The following CDH18 variants were observed in gnomAD, a reference collection of about 807,000 sequenced individuals.
CDH18 encodes the protein cadherin 18, also known as cadherin-18.
Under a neutral mutation model 67.9 loss-of-function variants are expected in CDH18, and 31 were observed. The ratio of observed to expected loss-of-function variants is 0.46; its 90% CI spans 0.34 to 0.62. The LOEUF is 0.62. Ranked by LOEUF, CDH18 falls within the 20% of genes least tolerant of loss-of-function variation. The pLI is 0.01. For synonymous variants in CDH18, 362 were observed against 347.2 expected, an observed-to-expected ratio of 1.04 and a Z score of -0.48; for missense variants, 890 against 975.5, an observed-to-expected ratio of 0.91 and a Z score of 1.17.
intron 5 of CDH18, among the ~76,000 whole-genome samples, chr5:19,706,585 A>G (rs1763997409): frequency 1.3e-5 from 2 of 152,046 alleles, no homozygotes. Flanking sequence ...ACCTTTTCTC[A>G]CTTTGTCTGG....
At chr5:19,866,392 G>C (rs1785498297) in intron 2 of CDH18, among the ~76,000 whole-genome samples, 1 of 152,136 alleles carries the variant, frequency 6.6e-6, no homozygotes, top group Non-Finnish European at 1.5e-5. Context: ...GCAGTCTTTT[G>C]CTCAGAGGCA....
At chr5:19,874,335 G>A (rs1239162028) in intron 2 of CDH18, among the ~76,000 whole-genome samples, 1 of 152,112 alleles carries the variant, frequency 6.6e-6, no homozygotes, top group Non-Finnish European at 1.5e-5. Flanking sequence ...GCTTATTTAA[G>A]TTATCTGCCT....
chr5:20,341,090 A>T (rs1351938991), intron 1 of CDH18, among the ~76,000 whole-genome samples: 1 of 152,144 alleles, frequency 6.6e-6, no homozygotes, highest in Non-Finnish European at 1.5e-5. Flanking sequence ...CAGCTCCCAC[A>T]TCCTTCCCTA....
At chr5:19,951,487 G>A (rs1390377847) in intron 2 of CDH18, among the ~76,000 whole-genome samples, 2 of 152,128 alleles carry the variant, frequency 1.3e-5, no homozygotes, top group African/African-American at 2.4e-5. Flanking sequence ...ATCCACAGGA[G>A]TTTAGAAAGT....
At chr5:20,034,253 G>A (rs1192040983) in intron 2 of CDH18, among the ~76,000 whole-genome samples, 1 of 151,878 alleles carries the variant, frequency 6.6e-6, no homozygotes, top group Non-Finnish European at 1.5e-5. Context: ...AAGTGAAAGG[G>A]GACTGTTACT....
chr5:20,552,111 G>A (rs1275817552), intron 1 of CDH18, among the ~76,000 whole-genome samples: 1 of 151,826 alleles, frequency 6.6e-6, no homozygotes, highest in Non-Finnish European at 1.5e-5. Context: ...AGATTTGCTA[G>A]CAAAATGTGA....
chr5:20,130,514 A>G (rs985490046), intron 2 of CDH18, among the ~76,000 whole-genome samples: 1 of 151,804 alleles, frequency 6.6e-6, no homozygotes. Context: ...TCATCTAAAA[A>G]TTACCATCAT....
At chr5:19,610,145 C>A (rs1032890064) in intron 6 of CDH18, among the ~76,000 whole-genome samples, 1 of 152,014 alleles carries the variant, frequency 6.6e-6, no homozygotes, top group African/African-American at 2.4e-5. Context: ...TTTCAAAACT[C>A]TAAGAACACC....
In CDH18 at chr5:19,702,526, G is replaced by C. The variant is rs532070117; in HGVS notation, c.643+18821C>G. ...CACACCTGTAATCCCAGCACTTTGG[G>C]AGTCCAAGACAGGTTGATCAGCTGA... On this transcript the variant is annotated intron_variant, in intron 5 of 12. Coordinates refer to ENST00000382275, the MANE Select transcript of CDH18 (RefSeq NM_004934.5). 2.0e-5 allele frequency among the ~76,000 whole-genome samples: 3 copies of C among 151,366 alleles called. No homozygotes were observed. In the South Asian group the frequency reaches 6.4e-4, roughly 32 times the overall value.
At chr5:20,212,933 T>C (rs1304728559) in intron 2 of CDH18, among the ~76,000 whole-genome samples, 1 of 152,092 alleles carries the variant, frequency 6.6e-6, no homozygotes, top group Admixed American at 6.6e-5. Context: ...TGCTTTCTTA[T>C]CATTTGTGTG....
At chr5:20,516,421 C>A (rs1028878025) in intron 1 of CDH18, among the ~76,000 whole-genome samples, 7 of 151,874 alleles carry the variant, frequency 4.6e-5, no homozygotes, top group African/African-American at 1.7e-4. Flanking sequence ...TAATTTACTG[C>A]AAACAAAACA....
chr5:20,211,553 A>G (rs1007299846), intron 2 of CDH18, among the ~76,000 whole-genome samples: 11 of 152,158 alleles, frequency 7.2e-5, no homozygotes, highest in Admixed American at 2.6e-4. Context: ...CTTCTAGAGG[A>G]AGGATCAGGC....
Position 19,600,228 on chromosome 5 carries a change from C to T in CDH18, c.812-8984G>A, listed in dbSNP as rs546528775. 1.9e-3 allele frequency among the ~76,000 whole-genome samples: 290 copies of T among 151,278 alleles called. 1 individual carries two copies. In the Middle Eastern group the frequency reaches 0.024, roughly 12 times the overall value. ...GGTGGGGGAGGGGGGAGGGATAGCA[C>T]TAGGAGATATACCTAATGTAAATGA... On this transcript the variant is annotated intron_variant, in intron 6 of 12. Transcript: ENST00000382275.
chr5:19,500,195 T>C (rs1743012954), intron 11 of CDH18, among the ~76,000 whole-genome samples: 1 of 152,084 alleles, frequency 6.6e-6, no homozygotes, highest in South Asian at 2.1e-4. Flanking sequence ...TATTTTCATT[T>C]TAATTGATCT....
At chr5:19,702,440 C>T (rs962004444) in intron 5 of CDH18, among the ~76,000 whole-genome samples, 31 of 151,676 alleles carry the variant, frequency 2.0e-4, no homozygotes, top group African/African-American at 7.0e-4. Flanking sequence ...TGAGGCACCA[C>T]GCCCTGCTGC....
intron 4 of CDH18, among the ~76,000 whole-genome samples, chr5:19,738,612 G>T (rs973107654): frequency 1.3e-5 from 2 of 152,164 alleles, no homozygotes; most frequent in Non-Finnish European, 2.9e-5. Context: ...AGAAAAATAT[G>T]TATCTTCTAG....
intron 9 of CDH18, among the ~76,000 whole-genome samples, chr5:19,525,612 T>C (rs1747644025): frequency 6.6e-6 from 1 of 152,200 alleles, no homozygotes; most frequent in South Asian, 2.1e-4. Flanking sequence ...AGTAGGATGA[T>C]GTATAAAAAT....
chr5:20,204,724 G>A (rs537377477), intron 2 of CDH18, among the ~76,000 whole-genome samples: 13 of 152,038 alleles, frequency 8.6e-5, no homozygotes, highest in African/African-American at 3.1e-4. Context: ...ATGCAAATAT[G>A]TAAATTGCGA....
intron 2 of CDH18, among the ~76,000 whole-genome samples, chr5:19,853,629 A>T (rs541266858): frequency 6.6e-6 from 1 of 152,258 alleles, no homozygotes; most frequent in South Asian, 2.1e-4. Flanking sequence ...CAGCAAAAAT[A>T]CACTTTCTAA....
Sources: allele counts gnomAD v4.1 joint callset (sites outside exome capture counted in the v4.1 genomes callset), GRCh38; gene constraint gnomAD v4.1.1; transcripts MANE v1.5; gene names NCBI Gene and HGNC (gene_info 2026-07-23, HGNC 2026-07-21).